ARL15: variants seen among roughly 807,000 people sequenced by gnomAD.
The protein encoded by ARL15 is ADP-ribosylation factor-like protein 15.
A neutral mutation model predicts 25.2 loss-of-function variants in ARL15; 19 were observed. The ratio of observed to expected loss-of-function variants is 0.75; its 90% confidence interval spans 0.53 to 1.10. The LOEUF (loss-of-function observed/expected upper bound fraction) is 1.10, where lower values mean the gene tolerates loss of function less well. ARL15 is among the 50% of genes least tolerant of loss of function. The probability of loss-of-function intolerance (pLI) is 0.00; values close to 1 mark genes in which losing one functional copy is unlikely to be tolerated. For missense variants in ARL15, 220 were observed against 246.0 expected (o/e 0.89, Z 0.71); for synonymous variants, 94 against 86.8 (o/e 1.08, Z -0.46).
chr5:53,914,664 A>C lies in ARL15; in HGVS notation c.463-27951T>G, dbSNP rs545137197. 3.9e-5 allele frequency among the ~76,000 whole-genome samples: 6 copies of C among 152,376 alleles called. No homozygotes were observed. The South Asian group carries it at 1.2e-3, about 32-fold the overall frequency. ...TCTCACTCATCTTGGCGAATTCCGC[A>C]TCTGGAGCAAGGTCTGAAGTGAGGC... On this transcript the variant is annotated intron_variant, in intron 4 of 4. Transcript: ENST00000504924.
At chr5:54,305,399 C>A (rs1579997256) in intron 1 of ARL15, among the ~76,000 whole-genome samples, 1 of 152,086 alleles carries the variant, frequency 6.6e-6, no homozygotes, top group East Asian at 1.9e-4. Flanking sequence ...ACTTAGGAGG[C>A]TGAGACAGGA....
intron 1 of ARL15, among the ~76,000 whole-genome samples, chr5:54,281,220 A>T (rs1006968845): frequency 6.6e-5 from 10 of 151,762 alleles, no homozygotes; most frequent in Non-Finnish European, 1.5e-4. Context: ...GCTCACTGCA[A>T]CCTCCACTTC....
intron 1 of ARL15, among the ~76,000 whole-genome samples, chr5:54,220,957 C>A (rs1290307972): frequency 6.6e-6 from 1 of 151,528 alleles, no homozygotes; most frequent in African/African-American, 2.4e-5. Flanking sequence ...GAATAAAATT[C>A]CAGAATTTAG....
At chr5:54,212,195 C>A (rs1255069988) in intron 1 of ARL15, among the ~76,000 whole-genome samples, 1 of 152,138 alleles carries the variant, frequency 6.6e-6, no homozygotes, top group Non-Finnish European at 1.5e-5. Flanking sequence ...AGGCAATCAG[C>A]CAATGGGTCA....
intron 1 of ARL15, among the ~76,000 whole-genome samples, chr5:54,219,614 C>T (rs568892538): frequency 6.2e-4 from 95 of 152,060 alleles, no homozygotes; most frequent in African/African-American, 2.2e-3. Flanking sequence ...TGTTTTTAAA[C>T]ACAAAAAGTC....
chr5:54,133,813 G>A (rs1380168920), intron 3 of ARL15, among the ~76,000 whole-genome samples: 1 of 152,052 alleles, frequency 6.6e-6, no homozygotes, highest in African/African-American at 2.4e-5. Flanking sequence ...TCCAAAACAG[G>A]AAGACAGTTA....
intron 1 of ARL15, among the ~76,000 whole-genome samples, chr5:54,209,300 A>AT (rs1281852699): frequency 6.6e-6 from 1 of 151,066 alleles, no homozygotes; most frequent in Non-Finnish European, 1.5e-5. Flanking sequence ...TAAGTACATT[A>AT]ACTAGAATGA....
chr5:54,110,598 T>C (rs1303427870), intron 4 of ARL15, among the ~76,000 whole-genome samples: 3 of 152,122 alleles, frequency 2.0e-5, no homozygotes, highest in South Asian at 2.1e-4. Flanking sequence ...CTTTTTAGCA[T>C]TGGTAAATTC....
At chr5:54,032,478 A>G (rs756357589) in intron 4 of ARL15, among the ~76,000 whole-genome samples, 1 of 152,034 alleles carries the variant, frequency 6.6e-6, no homozygotes. Flanking sequence ...CAAGTGATCC[A>G]CAGGTCTTGG....
At chr5:54,270,691 C>T (rs539973787) in intron 1 of ARL15, among the ~76,000 whole-genome samples, 3 of 152,338 alleles carry the variant, frequency 2.0e-5, no homozygotes, top group Non-Finnish European at 2.9e-5. Flanking sequence ...TTGGGTGCTA[C>T]GGCCACCTGC....
chr5:54,042,277 T>G (rs1261573076), intron 4 of ARL15, among the ~76,000 whole-genome samples: 1 of 152,112 alleles, frequency 6.6e-6, no homozygotes, highest in Non-Finnish European at 1.5e-5. Context: ...CTCTTTCATT[T>G]TGTTGTTTCT....
intron 2 of ARL15, among the ~76,000 whole-genome samples, chr5:54,159,405 T>A (rs1309685155): frequency 6.6e-6 from 1 of 152,020 alleles, no homozygotes; most frequent in African/African-American, 2.4e-5. Flanking sequence ...ATCCTAGGAG[T>A]CCGAAGCACA....
chr5:54,191,084 A>C (rs570412208), intron 1 of ARL15, among the ~76,000 whole-genome samples: 34 of 152,332 alleles, frequency 2.2e-4, no homozygotes, highest in Admixed American at 1.4e-3. Flanking sequence ...TGAATGGATA[A>C]GCAAAATGTG....
chr5:54,238,737 G>T (rs766015418), intron 1 of ARL15, among the ~76,000 whole-genome samples: 19 of 152,160 alleles, frequency 1.2e-4, no homozygotes, highest in Non-Finnish European at 2.5e-4. Flanking sequence ...AAACAGATCA[G>T]GTTGTTGTAA....
chr5:54,063,422 A>AG (rs963017140), intron 4 of ARL15, among the ~76,000 whole-genome samples: 4 of 152,244 alleles, frequency 2.6e-5, no homozygotes, highest in African/African-American at 9.6e-5. Context: ...GTAATCCCTG[A>AG]GTCCAGCTTG....
chr5:54,209,331 GAA>G (rs1487527765), intron 1 of ARL15, among the ~76,000 whole-genome samples: 2 of 126,534 alleles, frequency 1.6e-5, no homozygotes, highest in African/African-American at 3.3e-5. Flanking sequence ...TATAAAAAGA[GAA>G]AGAGAGAGAG....
chr5:53,925,829 C>CA (rs934660600), intron 4 of ARL15, among the ~76,000 whole-genome samples: 14 of 151,230 alleles, frequency 9.3e-5, no homozygotes, highest in Admixed American at 1.3e-4. Flanking sequence ...AAAATAATAA[C>CA]AAAAAAAACT....
intron 4 of ARL15, among the ~76,000 whole-genome samples, chr5:53,953,213 T>G (rs1381624788): frequency 3.3e-5 from 5 of 152,152 alleles, no homozygotes; most frequent in Non-Finnish European, 7.4e-5. Context: ...GGCTCCATGA[T>G]CTTGTGGAAC....
At chr5:54,300,572 T>C (rs1203118556) in intron 1 of ARL15, among the ~76,000 whole-genome samples, 3 of 152,238 alleles carry the variant, frequency 2.0e-5, no homozygotes, top group Non-Finnish European at 4.4e-5. Context: ...TGTTTTAAGG[T>C]GGTTCATTAC....
Sources: allele counts gnomAD v4.1 joint callset (sites outside exome capture counted in the v4.1 genomes callset), GRCh38; gene constraint gnomAD v4.1.1; transcripts MANE v1.5; gene names NCBI Gene and HGNC (gene_info 2026-07-23, HGNC 2026-07-21).